Variants in SYNPR observed in about 807,000 individuals in gnomAD.
The protein encoded by SYNPR is synaptoporin.
Under a neutral mutation model 32.9 loss-of-function variants are expected in SYNPR, and 23 were observed. That is an observed-to-expected ratio of 0.70 (90% CI 0.50 to 0.99). The LOEUF (loss-of-function observed/expected upper bound fraction) is 0.99. Among genes scored for constraint, SYNPR ranks in the 50% least tolerant of loss-of-function variants. SYNPR has a pLI of 0.00. For missense variants in SYNPR, 318 were observed against 349.3 expected (o/e 0.91, Z 0.71); for synonymous variants, 146 against 135.9 (o/e 1.07, Z -0.52).
intron 2 of SYNPR, among the ~76,000 whole-genome samples, chr3:63,457,353 C>CT (rs896414551): frequency 3.3e-5 from 5 of 152,016 alleles, no homozygotes; most frequent in African/African-American, 9.6e-5. Flanking sequence ...TATAATGATC[C>CT]TTTTTTTATT....
At chr3:63,433,100 C>G (rs185943874) in intron 2 of SYNPR, among the ~76,000 whole-genome samples, 1 of 152,124 alleles carries the variant, frequency 6.6e-6, no homozygotes, top group Admixed American at 6.5e-5. Context: ...CAGAGTATTG[C>G]GTGTTATAAC....
chr3:63,371,112 G>C lies in SYNPR; in HGVS notation c.84+92370G>C, dbSNP rs921912002. Among the ~76,000 whole-genome samples the C allele has an allele frequency of 2.0e-5, 3 of 152,114 alleles. No homozygotes were observed. In the South Asian group the frequency reaches 6.2e-4, roughly 32 times the overall value. On this transcript the variant is annotated intron_variant, in intron 2 of 5. Coordinates refer to ENST00000478300, the MANE Select transcript of SYNPR (RefSeq NM_001130003.2). The stretch of plus-strand genomic sequence containing the variant: ...GACAAGACAACCACCCACCTGGGAT[G>C]GCATAGAGCCAGAGGAGGCCCCCAT...
chr3:63,333,953 G>A (rs1023555994), intron 2 of SYNPR, among the ~76,000 whole-genome samples: 3 of 152,190 alleles, frequency 2.0e-5, no homozygotes, highest in Admixed American at 2.0e-4. Flanking sequence ...TATTAAGAAT[G>A]AAAAGATGGT....
chr3:63,474,477 G>A lies in SYNPR; in HGVS notation c.85-6355G>A, dbSNP rs556724374. On this transcript the variant is annotated intron_variant, in intron 2 of 5. Transcript: ENST00000478300. Reference sequence around the variant, plus strand: ...AGTGAATGAATGATTATACCTAATGGAAAAGGAGTGAATCAACAAAACAAG... The same window carrying A: ...AGTGAATGAATGATTATACCTAATGAAAAAGGAGTGAATCAACAAAACAAG... Among the ~76,000 whole-genome samples, 5 of 152,284 alleles carry A rather than the reference G, an allele frequency of 3.3e-5. No homozygotes were observed. In the East Asian group the frequency reaches 5.8e-4, roughly 18 times the overall value.
chr3:63,286,857 T>G (rs1228255712), intron 2 of SYNPR, among the ~76,000 whole-genome samples: 1 of 152,208 alleles, frequency 6.6e-6, no homozygotes, highest in East Asian at 1.9e-4. Flanking sequence ...TTTAGCAAAC[T>G]GTTAACTATC....
chr3:63,258,109 C>T (rs1158524161), intron 2 of SYNPR, among the ~76,000 whole-genome samples: 1 of 152,106 alleles, frequency 6.6e-6, no homozygotes, highest in Non-Finnish European at 1.5e-5. Flanking sequence ...TAGACTCCCA[C>T]ACAATAATAA....
intron 2 of SYNPR, among the ~76,000 whole-genome samples, chr3:63,320,023 C>T (rs1490280333): frequency 6.6e-6 from 1 of 151,980 alleles, no homozygotes; most frequent in African/African-American, 2.4e-5. Context: ...AATCATGGTT[C>T]ACTGCGGCCT....
At chr3:63,382,993 G>A (rs1043353121) in intron 2 of SYNPR, among the ~76,000 whole-genome samples, 14 of 152,128 alleles carry the variant, frequency 9.2e-5, no homozygotes, top group African/African-American at 3.4e-4. Context: ...CTAGAGACTT[G>A]ATTTACTTCA....
At chr3:63,402,378 T>C (rs2088304322) in intron 2 of SYNPR, among the ~76,000 whole-genome samples, 1 of 152,116 alleles carries the variant, frequency 6.6e-6, no homozygotes, top group Admixed American at 6.5e-5. Flanking sequence ...GAACCACTGC[T>C]CTAAATGATA....
intron 2 of SYNPR, among the ~76,000 whole-genome samples, chr3:63,320,333 A>C (rs1387733097): frequency 6.6e-6 from 1 of 152,104 alleles, no homozygotes; most frequent in Non-Finnish European, 1.5e-5. Flanking sequence ...AACGAGGCTT[A>C]GTCCTTTAAA....
intron 1 of SYNPR, among the ~76,000 whole-genome samples, chr3:63,233,225 G>C (rs78580181): frequency 0.028 from 4,192 of 152,274 alleles, 73 homozygotes; most frequent in Non-Finnish European, 0.043. Flanking sequence ...CAGCCCAGCA[G>C]ATTCTTAAGC....
intron 2 of SYNPR, among the ~76,000 whole-genome samples, chr3:63,351,086 G>C (rs1575606794): frequency 6.6e-6 from 1 of 152,116 alleles, no homozygotes; most frequent in East Asian, 1.9e-4. Context: ...CTGTCCTAAA[G>C]TGAACAGTTG....
At chr3:63,411,331 G>C (rs769139907) in intron 2 of SYNPR, among the ~76,000 whole-genome samples, 2 of 152,090 alleles carry the variant, frequency 1.3e-5, no homozygotes, top group Non-Finnish European at 2.9e-5. Context: ...TCTTAGATCT[G>C]TTTGTGCAGT....
chr3:63,330,435 C>T (rs2087215719), intron 2 of SYNPR: 1 of 139,810 alleles, frequency 7.2e-6, no homozygotes, highest in African/African-American at 2.6e-5. Flanking sequence ...TGGGGATCTA[C>T]CTTTCTGTCT....
chr3:63,313,704 C>T (rs1349173541), intron 2 of SYNPR, among the ~76,000 whole-genome samples: 3 of 31,582 alleles, frequency 9.5e-5, no homozygotes, highest in African/African-American at 2.7e-4. Context: ...TATATATATC[C>T]ATATATATAT....
intron 2 of SYNPR, among the ~76,000 whole-genome samples, chr3:63,253,939 T>A (rs1412010111): frequency 1.3e-5 from 2 of 152,142 alleles, no homozygotes; most frequent in African/African-American, 4.8e-5. Flanking sequence ...AATGATAGAC[T>A]GGATTAAGAA....
intron 3 of SYNPR, among the ~76,000 whole-genome samples, chr3:63,487,678 A>G (rs990100861): frequency 6.6e-6 from 1 of 152,160 alleles, no homozygotes; most frequent in Admixed American, 6.5e-5. Flanking sequence ...TAACTATTTA[A>G]TGTTTATTTA....
At position 63,615,179 on chromosome 3, in the gene SYNPR, GT is replaced by G. The variant is rs761112844; in HGVS notation, c.601-40del. On this transcript the variant is annotated intron_variant, in intron 5 of 5. Transcript: ENST00000478300. ...TTTCCAAAATTGAAATTTTTCTTGG[GT>G]TTTTGTCTAGTCTATCAATTCATTG... 8.2e-6 allele frequency: 13 copies of G among 1,582,992 alleles called. No homozygotes were observed. The East Asian group carries it at 2.9e-4, about 36-fold the overall frequency.
chr3:63,526,511 A>C (rs1395854482), intron 3 of SYNPR, among the ~76,000 whole-genome samples: 1 of 152,194 alleles, frequency 6.6e-6, no homozygotes, highest in Non-Finnish European at 1.5e-5. Context: ...TTGTTCAATG[A>C]ATGAATTTAA....
Sources: gnomAD v4.1 joint callset for allele counts (sites outside exome capture counted in the v4.1 genomes callset) on GRCh38, gnomAD v4.1.1 for gene constraint, MANE v1.5 for transcripts, NCBI Gene and HGNC (gene_info 2026-07-23, HGNC 2026-07-21) for gene names.